The following CACUL1 variants were observed in gnomAD, a reference collection of about 807,000 sequenced individuals.
CACUL1 encodes the protein CDK2 associated cullin domain 1, also known as CDK2-associated and cullin domain-containing protein 1.
Under a neutral mutation model 45.2 loss-of-function variants are expected in CACUL1, and 13 were observed. That is an observed-to-expected ratio of 0.29 (90% CI 0.19 to 0.46). The LOEUF is 0.46. CACUL1 is among the 20% of genes least tolerant of loss of function. CACUL1 has a pLI of 1.00. For synonymous variants in CACUL1, 197 were observed against 174.2 expected, an observed-to-expected ratio of 1.13 and a Z score of -1.03; for missense variants, 421 against 471.4, an observed-to-expected ratio of 0.89 and a Z score of 0.99.
chr10:118,729,146 T>C, intron 3 of CACUL1, 149 bp downstream of exon 3: 1 of 589,450 alleles, frequency 1.7e-6, no homozygotes, highest in East Asian at 3.1e-5. Flanking sequence ...TTCCAAAAAT[T>C]ACATGATTTG....
Position 118,683,214 on chromosome 10 carries a change from A to C in CACUL1, c.*2914T>G, listed in dbSNP as rs1845171017. ...GACCCGGCTTTCCTTTTAAGGAGCC[A>C]GTTTCAGGCTGCACATACATACTAG... On this transcript the variant is annotated 3_prime_UTR_variant, in exon 9 of 9. Transcript: ENST00000369151. The C allele has an allele frequency of 6.6e-6, 1 of 152,176 alleles. No homozygotes were observed. Among genetic ancestry groups the C allele is most frequent in the African/African-American group, 2.4e-5 (1 of 41,418 alleles). 9.4% of individuals were successfully genotyped at this position (152,176 alleles called of 1,614,324 possible).
intron 6 of CACUL1, chr10:118,691,664 G>A (rs939822655): frequency 1.6e-5 from 5 of 317,348 alleles, no homozygotes; most frequent in South Asian, 2.9e-5. Flanking sequence ...TCAGGAGATC[G>A]AGACCATCCT....
At chr10:118,699,271 G>GT (rs1210062985) in intron 5 of CACUL1, among the ~76,000 whole-genome samples, 1 of 152,086 alleles carries the variant, frequency 6.6e-6, no homozygotes, top group African/African-American at 2.4e-5. Flanking sequence ...GATAAACTCA[G>GT]TTTTTTCCAA....
At chr10:118,740,862 C>T (rs760911103) in intron 1 of CACUL1, among the ~76,000 whole-genome samples, 2 of 144,648 alleles carry the variant, frequency 1.4e-5, no homozygotes, top group Non-Finnish European at 3.0e-5. Flanking sequence ...GGAGACGGAG[C>T]TTGCAGTGAG....
At chr10:118,733,661 T>C (rs1845717480) in intron 1 of CACUL1, among the ~76,000 whole-genome samples, 1 of 152,190 alleles carries the variant, frequency 6.6e-6, no homozygotes, top group Admixed American at 6.5e-5. Context: ...TAGATCCTCT[T>C]GTTAAGAGAT....
chr10:118,747,151 A>C (rs913450969), intron 1 of CACUL1, among the ~76,000 whole-genome samples: 1 of 152,186 alleles, frequency 6.6e-6, no homozygotes, highest in Non-Finnish European at 1.5e-5. Flanking sequence ...CCCCCAGTCC[A>C]CAGAAAAATT....
chr10:118,746,925 C>T (rs1188036600), intron 1 of CACUL1, among the ~76,000 whole-genome samples: 2 of 152,158 alleles, frequency 1.3e-5, no homozygotes, highest in Non-Finnish European at 1.5e-5. Flanking sequence ...CCACAGGAAC[C>T]GGTCGGTGGC....
intron 5 of CACUL1, among the ~76,000 whole-genome samples, chr10:118,698,505 T>C (rs1014978803): frequency 6.6e-6 from 1 of 152,054 alleles, no homozygotes; most frequent in Admixed American, 6.6e-5. Context: ...TCTGTGACCC[T>C]CGCCCAGCAG....
chr10:118,699,998 A>T (rs1255851038), intron 5 of CACUL1, among the ~76,000 whole-genome samples: 1 of 152,162 alleles, frequency 6.6e-6, no homozygotes, highest in Non-Finnish European at 1.5e-5. Flanking sequence ...TACAAAAAAA[A>T]ATGGGAACAT....
intron 5 of CACUL1, among the ~76,000 whole-genome samples, chr10:118,696,076 T>C (rs569985146): frequency 3.3e-5 from 5 of 152,362 alleles, no homozygotes; most frequent in African/African-American, 9.6e-5. Flanking sequence ...GCCATCTTAC[T>C]AGGCCAATAA....
At chr10:118,715,542 G>A (rs1373808035) in intron 3 of CACUL1, among the ~76,000 whole-genome samples, 1 of 152,158 alleles carries the variant, frequency 6.6e-6, no homozygotes. Context: ...CACTGGCCAC[G>A]TTTGGCTATT....
intron 1 of CACUL1, among the ~76,000 whole-genome samples, chr10:118,753,398 T>A (rs1374765445): frequency 6.6e-6 from 1 of 152,206 alleles, no homozygotes; most frequent in African/African-American, 2.4e-5. Flanking sequence ...ATAAAATTAG[T>A]AGCTAGAAAT....
At chr10:118,740,324 T>C (rs973507738) in intron 1 of CACUL1, among the ~76,000 whole-genome samples, 6 of 151,954 alleles carry the variant, frequency 3.9e-5, no homozygotes, top group Admixed American at 3.9e-4. Context: ...AAACCACAAA[T>C]TGTGGCCGTT....
intron 1 of CACUL1, among the ~76,000 whole-genome samples, chr10:118,738,761 CA>C (rs1034256012): frequency 9.9e-4 from 150 of 151,702 alleles, no homozygotes; most frequent in African/African-American, 3.5e-3. Context: ...GAGATCAAAA[CA>C]AATTTGAAAA....
Position 118,754,958 on chromosome 10 carries a change from G to T in CACUL1, c.-196C>A. ...GAAGACGCGGCTGACGGCGGTGGGC[G>T]CTCCGGGGCTCTAGTCTGGGAGAGG... On this transcript the variant is annotated 5_prime_UTR_variant, in exon 1 of 9. Transcript: ENST00000369151. The T allele has an allele frequency of 1.6e-6, 1 of 620,732 alleles. No homozygotes were observed. 38.5% of individuals were successfully genotyped at this position (620,732 alleles called of 1,614,324 possible).
At chr10:118,689,979 A>AT (rs1845245872) in intron 7 of CACUL1, among the ~76,000 whole-genome samples, 1 of 152,234 alleles carries the variant, frequency 6.6e-6, no homozygotes, top group Non-Finnish European at 1.5e-5. Context: ...AAAAAAACCT[A>AT]TAACATCATA....
intron 3 of CACUL1, among the ~76,000 whole-genome samples, chr10:118,709,342 CTG>C (rs1483017674): frequency 5.3e-5 from 8 of 152,154 alleles, no homozygotes; most frequent in Non-Finnish European, 1.2e-4. Context: ...GTCGAAGACA[CTG>C]TGTTTTACAG....
intron 6 of CACUL1, chr10:118,693,641 TTGTCATACTGCACTTAGATGC>T (rs1230808395): frequency 2.3e-6 from 1 of 432,036 alleles, no homozygotes; most frequent in Non-Finnish European, 4.6e-6. Context: ...GAGGCAGAAT[TTGTCATACTGCACTTAGATGC>T]TTTCAAAGGA....
chr10:118,686,668 A>G, intron 7 of CACUL1, 27 bp from the exon 8 acceptor site: 1 of 1,576,038 alleles, frequency 6.3e-7, no homozygotes, highest in Non-Finnish European at 8.7e-7. Context: ...GCAGTCAACA[A>G]AACTGACTTC....
Sources: gnomAD v4.1 joint callset for allele counts (sites outside exome capture counted in the v4.1 genomes callset) on GRCh38, gnomAD v4.1.1 for gene constraint, MANE v1.5 for transcripts, NCBI Gene and HGNC (gene_info 2026-07-23, HGNC 2026-07-21) for gene names.